KCNQ5: variants seen among roughly 807,000 people sequenced by gnomAD.
KCNQ5 encodes the protein potassium voltage-gated channel subfamily Q member 5.
Under a neutral mutation model 98.2 loss-of-function variants are expected in KCNQ5, and 30 were observed. The ratio of observed to expected loss-of-function variants is 0.31; its 90% CI spans 0.23 to 0.41. KCNQ5 has a LOEUF of 0.41. Among genes scored for constraint, KCNQ5 ranks in the 10% least tolerant of loss-of-function variants. The pLI, the probability that KCNQ5 is intolerant of heterozygous loss-of-function variation, is 1.00. For synonymous variants in KCNQ5, 458 were observed against 449.4 expected (o/e 1.02, Z -0.24); for missense variants, 835 against 1,182.5 (o/e 0.71, Z 4.31).
intron 1 of KCNQ5, among the ~76,000 whole-genome samples, chr6:72,698,092 G>A (rs1392152020): frequency 1.3e-5 from 2 of 152,106 alleles, no homozygotes; most frequent in African/African-American, 2.4e-5. Context: ...GTCCGTTGAT[G>A]TTTGTAATTG....
chr6:72,896,347 A>G (rs1354141427), intron 1 of KCNQ5, among the ~76,000 whole-genome samples: 1 of 152,152 alleles, frequency 6.6e-6, no homozygotes, highest in Non-Finnish European at 1.5e-5. Flanking sequence ...TGGATTATTT[A>G]CCTAGTAAAT....
intron 1 of KCNQ5, among the ~76,000 whole-genome samples, chr6:72,767,447 A>T (rs1402839817): frequency 1.3e-5 from 2 of 152,026 alleles, no homozygotes; most frequent in African/African-American, 4.8e-5. Flanking sequence ...ATTAAATATG[A>T]CACCAAAAAC....
intron 5 of KCNQ5, among the ~76,000 whole-genome samples, chr6:73,091,547 G>A (rs1774248377): frequency 6.6e-6 from 1 of 152,010 alleles, no homozygotes; most frequent in Admixed American, 6.6e-5. Context: ...TTATGTTTTT[G>A]TTTGCTTTGT....
At chr6:72,957,153 T>C (rs1767119604) in intron 1 of KCNQ5, among the ~76,000 whole-genome samples, 1 of 148,548 alleles carries the variant, frequency 6.7e-6, no homozygotes, top group Non-Finnish European at 1.5e-5. Context: ...CACCCCTGGC[T>C]GTACATATGT....
intron 1 of KCNQ5, among the ~76,000 whole-genome samples, chr6:72,937,812 T>A (rs748373765): frequency 6.6e-6 from 1 of 152,206 alleles, no homozygotes; most frequent in African/African-American, 2.4e-5. Context: ...GGGTTAAAGA[T>A]AATGGGAGTT....
chr6:73,181,147 TG>T (rs2150514510), intron 11 of KCNQ5, among the ~76,000 whole-genome samples: 1 of 152,264 alleles, frequency 6.6e-6, no homozygotes, highest in South Asian at 2.1e-4. Context: ...CTCAGAAAAT[TG>T]TATGAGCAGA....
intron 1 of KCNQ5, among the ~76,000 whole-genome samples, chr6:72,655,026 G>GTCTTTCTTTTTCTT (rs1766082918): frequency 9.4e-6 from 1 of 105,822 alleles, no homozygotes; most frequent in African/African-American, 4.0e-5. Context: ...AGGTCTGTCT[G>GTCTTTCTTTTTCTT]TCTTTCTTTC....
intron 1 of KCNQ5, among the ~76,000 whole-genome samples, chr6:72,954,319 G>A (rs1166900566): frequency 6.6e-6 from 1 of 152,150 alleles, no homozygotes; most frequent in Non-Finnish European, 1.5e-5. Flanking sequence ...GAAGGCAGGA[G>A]GAGGAGCCAG....
chr6:72,694,500 C>A (rs918607094), intron 1 of KCNQ5, among the ~76,000 whole-genome samples: 16 of 152,076 alleles, frequency 1.1e-4, no homozygotes, highest in African/African-American at 3.9e-4. Flanking sequence ...GTTCTGGCCT[C>A]TAGTGTTGAC....
intron 2 of KCNQ5, among the ~76,000 whole-genome samples, chr6:73,012,446 G>T (rs548032675): frequency 6.6e-6 from 1 of 152,094 alleles, no homozygotes; most frequent in African/African-American, 2.4e-5. Context: ...AAGTGGAATG[G>T]TTGTTGCCAG....
At chr6:73,167,866 T>A (rs886998503) in intron 10 of KCNQ5, among the ~76,000 whole-genome samples, 7 of 152,188 alleles carry the variant, frequency 4.6e-5, no homozygotes, top group Non-Finnish European at 7.3e-5. Context: ...ATAAGGTCGC[T>A]AATCCCATTC....
At chr6:72,750,649 G>A (rs531775735) in intron 1 of KCNQ5, among the ~76,000 whole-genome samples, 1 of 151,836 alleles carries the variant, frequency 6.6e-6, no homozygotes, top group Non-Finnish European at 1.5e-5. Context: ...CATTCTATAT[G>A]ATCAAATATG....
At chr6:72,824,809 C>G (rs541678393) in intron 1 of KCNQ5, among the ~76,000 whole-genome samples, 1 of 151,964 alleles carries the variant, frequency 6.6e-6, no homozygotes, top group South Asian at 2.1e-4. Flanking sequence ...GTGTGTGTCT[C>G]TCTCTCTCAT....
At chr6:72,715,741 A>T (rs1769613582) in intron 1 of KCNQ5, among the ~76,000 whole-genome samples, 1 of 152,198 alleles carries the variant, frequency 6.6e-6, no homozygotes, top group Non-Finnish European at 1.5e-5. Flanking sequence ...ATACTATGGT[A>T]TTTTAATGAT....
At chr6:73,158,257 T>TTTTTTTTGTTG (rs1562211957) in intron 10 of KCNQ5, 362 of 16,302 alleles carry the variant, frequency 0.022, 8 homozygotes, top group Middle Eastern at 0.05. Context: ...TTGGAAGATT[T>TTTTTTTTGTTG]TTTTTTTTTT....
rs1399706635 is a variant in KCNQ5 at position 73,087,434 on chromosome 6, A to T, written c.918+9547A>T. On this transcript the variant is annotated intron_variant, in intron 5 of 13. Transcript: ENST00000370398. ...GGTAGAAATAAGAGTTCTGTTTTAG[A>T]CACATTCAGTTAAATGACTGTGTGA... 3.3e-5 allele frequency among the ~76,000 whole-genome samples: 3 copies of T among 90,802 alleles called. No homozygotes were observed. In the South Asian group the frequency reaches 1.7e-3, roughly 52 times the overall value. 59.6% of individuals were successfully genotyped at this position (90,802 alleles called of 152,430 possible).
intron 1 of KCNQ5, among the ~76,000 whole-genome samples, chr6:72,744,214 G>A (rs957664568): frequency 6.6e-6 from 1 of 152,154 alleles, no homozygotes; most frequent in Non-Finnish European, 1.5e-5. Flanking sequence ...AGGGAGAGGG[G>A]AACAGGCATA....
intron 7 of KCNQ5, among the ~76,000 whole-genome samples, chr6:73,114,074 CA>C (rs1268638309): frequency 6.6e-6 from 1 of 152,002 alleles, no homozygotes; most frequent in Non-Finnish European, 1.5e-5. Flanking sequence ...CATTTAAATG[CA>C]ATTAATTTAT....
intron 1 of KCNQ5, among the ~76,000 whole-genome samples, chr6:72,649,300 C>T (rs9350467): frequency 0.46 from 70,329 of 152,078 alleles, 19,989 homozygotes; most frequent in African/African-American, 0.77. Flanking sequence ...CTTAAACAGA[C>T]ATGCACGTGT....
Sources: allele counts gnomAD v4.1 joint callset (sites outside exome capture counted in the v4.1 genomes callset), GRCh38; gene constraint gnomAD v4.1.1; transcripts MANE v1.5; gene names NCBI Gene and HGNC (gene_info 2026-07-23, HGNC 2026-07-21).